The following TNPO2 variants were observed in gnomAD, a reference collection of about 807,000 sequenced individuals.
The protein encoded by TNPO2 is transportin-2.
A neutral mutation model predicts 111.1 loss-of-function variants in TNPO2; 16 were observed. The ratio of observed to expected loss-of-function variants is 0.14; its 90% CI spans 0.10 to 0.22. The LOEUF (loss-of-function observed/expected upper bound fraction) is 0.22. TNPO2 is among the 10% of genes least tolerant of loss of function. The pLI is 1.00. For missense variants in TNPO2, 530 were observed against 1,173.7 expected, an observed-to-expected ratio of 0.45 and a Z score of 8.01; for synonymous variants, 481 against 475.8, an observed-to-expected ratio of 1.01 and a Z score of -0.14.
intron 13 of TNPO2, among the ~76,000 whole-genome samples, chr19:12,708,189 G>C (rs534729368): frequency 8.5e-5 from 13 of 152,202 alleles, no homozygotes; most frequent in African/African-American, 2.6e-4. Context: ...GAGGAGTGCA[G>C]TGGTGTGATC....
Position 12,702,249 on chromosome 19 carries a change from G to A in TNPO2, c.2306-72C>T, listed in dbSNP as rs1171327079. 8.8e-6 allele frequency: 12 copies of A among 1,357,902 alleles called. No homozygotes were observed. Among genetic ancestry groups the A allele is most frequent in the South Asian group, 6.3e-5 (5 of 79,942 alleles). 84.1% of individuals were successfully genotyped at this position (1,357,902 alleles called of 1,614,324 possible). The stretch of plus-strand genomic sequence containing the variant: ...CACAAGGCACCAAGCCCCGCCCCAT[G>A]AGCCCCAAGGGAATGGCTACTGCAG... On this transcript the variant is annotated intron_variant, in intron 21 of 25. Coordinates refer to ENST00000425528, the MANE Select transcript of TNPO2 (RefSeq NM_001382241.1). The surrounding 1 kb of genome is among the most constrained non-coding windows in gnomAD (Gnocchi z 5.5).
chr19:12,711,308 C>T lies in TNPO2; in HGVS notation c.1105G>A (p.Asp369Asn), dbSNP rs1465153961. The T allele has an allele frequency of 3.1e-6, 5 of 1,613,322 alleles. No homozygotes were observed. The highest frequency in any genetic ancestry group is 4.2e-6 in the Non-Finnish European group (5 of 1,179,636). ...EDDDDDDALS[D>N]WNLRKCSAAA... Reference sequence around the variant, plus strand: ...CAGGGGCACACACTCAAATTCCAGTCGGACAGAGCATCATCATCATCGTCA... The same window carrying T: ...CAGGGGCACACACTCAAATTCCAGTTGGACAGAGCATCATCATCATCGTCA... Residue 369 changes from aspartate (D) to asparagine (N), a missense_variant, in exon 12 of 26, where the codon GAC (aspartate) becomes AAC (asparagine). Transcript: ENST00000425528.
chr19:12,701,064 T>C lies in TNPO2; in HGVS notation c.*200A>G, dbSNP rs933356409. 7 of 374,758 alleles carry C rather than the reference T, an allele frequency of 1.9e-5. No individual in the cohort carries two copies. Among genetic ancestry groups the C allele is most frequent in the African/African-American group, 4.2e-5 (2 of 48,118 alleles). 23.2% of individuals were successfully genotyped at this position (374,758 alleles called of 1,614,324 possible). A position where few individuals can be genotyped will look rare whatever the true frequency, so the allele number is the denominator to read the frequency against. Reference sequence around the variant, plus strand: ...CTCCCCGTTTGTAGGATGAGCATGGTGGCCCCACCCACCTGCCAGGAGGGC... The same window carrying C: ...CTCCCCGTTTGTAGGATGAGCATGGCGGCCCCACCCACCTGCCAGGAGGGC... On this transcript the variant is annotated 3_prime_UTR_variant, in exon 26 of 26. Transcript: ENST00000425528. This position sits in a 1 kb window ranked among gnomAD's most constrained non-coding sequence, Gnocchi z 5.0.
chr19:12,711,637 G>A (rs767101850), intron 10 of TNPO2, 24 bp from the exon 11 acceptor site: 6 of 1,608,686 alleles, frequency 3.7e-6, no homozygotes, highest in South Asian at 1.1e-5. Context: ...GACTGTTTAT[G>A]GGGATGCAGG....
chr19:12,705,250 T>G lies in TNPO2; in HGVS notation c.2012A>C (p.Gln671Pro), dbSNP rs2025575578. 1 of 1,605,016 alleles carries G rather than the reference T, an allele frequency of 6.2e-7. No homozygotes were observed. The highest frequency in any genetic ancestry group is 1.3e-5 in the African/African-American group (1 of 74,696). Residue 671 changes from glutamine (Q) to proline (P), a missense_variant, in exon 18 of 26, where the codon CAG becomes CCG. By Grantham distance (76) the Gln-to-Pro change is moderately conservative. Transcript: ENST00000425528. The surrounding 1 kb of genome is among the most constrained non-coding windows in gnomAD (Gnocchi z 7.2). ...ARSNIMTLLF[Q>P]CMQDSMPEVR... Reference sequence around the variant, plus strand: ...AGGGTCCCCACCCACCTGCATGCACTGGAACAGCAATGTCATGATGTTGCT... The same window carrying G: ...AGGGTCCCCACCCACCTGCATGCACGGGAACAGCAATGTCATGATGTTGCT...
chr19:12,706,338 C>T lies in TNPO2; in HGVS notation c.1526G>A (p.Cys509Tyr), dbSNP rs2025661424. 1.2e-6 allele frequency: 2 copies of T among 1,613,942 alleles called. No individual in the cohort carries two copies. The highest frequency in any genetic ancestry group is 1.7e-6 in the Non-Finnish European group (2 of 1,179,950). Residue 509 changes from cysteine to tyrosine, a missense_variant, in exon 15 of 26, where the codon TGC (cysteine) becomes TAC (tyrosine). Around this residue, in one of 4 missense-constraint regions of TNPO2, gnomAD observed 183 missense variants for 481.0 expected, o/e 0.38. Coordinates refer to ENST00000425528, the MANE Select transcript of TNPO2 (RefSeq NM_001382241.1). The surrounding 1 kb of genome is among the most constrained non-coding windows in gnomAD (Gnocchi z 7.0). ...SAFATLEEEA[C>Y]TELVPYLSYI... ...GCTGAGGTAGGGCACCAGCTCCGTGCAGGCCTCTTCCTCCAGGGTGGCAAA... is the reference window on the plus strand; with the variant it reads ...GCTGAGGTAGGGCACCAGCTCCGTGTAGGCCTCTTCCTCCAGGGTGGCAAA...
chr19:12,703,906 G>T, intron 18 of TNPO2, 105 bp from the exon 19 acceptor site: 1 of 1,001,650 alleles, frequency 1.0e-6, no homozygotes, highest in Non-Finnish European at 1.5e-6. Context: ...CCACTTTCCA[G>T]TTCTAGAGCT....
chr19:12,715,340 C>A lies in TNPO2; in HGVS notation c.567-16G>T. The A allele has an allele frequency of 6.2e-7, 1 of 1,613,814 alleles. No homozygotes were observed. Among genetic ancestry groups the A allele is most frequent in the Non-Finnish European group, 8.5e-7 (1 of 1,179,848 alleles). ...GGCGTGGGACCTGGCGGGGAGCAGA[C>A]ACGTGGGTCACCCTGACCCTGCCCA... On this transcript the variant is annotated splice_polypyrimidine_tract_variant and intron_variant, in intron 7 of 25. Transcript: ENST00000425528. This position sits in a 1 kb window ranked among gnomAD's most constrained non-coding sequence, Gnocchi z 7.1.
rs1299290115 is a variant in TNPO2, at chr19:12,701,446, TG to T, written c.2593del (p.His865ThrfsTer35). 1 of 1,613,602 alleles carries T rather than the reference TG, an allele frequency of 6.2e-7. No individual in the cohort carries two copies. The highest frequency in any genetic ancestry group is 1.1e-5 in the South Asian group (1 of 91,054). ...DLRDMFYKIL[H>X]GFKDQVGEDN... is the part of the protein sequence containing the mutation. ...TTCCCCAACTTGGTCTTTGAAGCCG[TG>T]GAGAATCTGTGGGGAGGGTGGTGGT... On this transcript the variant is annotated frameshift_variant, in exon 25 of 26. Transcript: ENST00000425528. LOFTEE classifies it high-confidence loss of function. The surrounding 1 kb of genome is among the most constrained non-coding windows in gnomAD (Gnocchi z 5.0).
Position 12,711,414 on chromosome 19 carries a change from G to C in TNPO2, c.999C>G (p.Ile333Met). The C allele has an allele frequency of 6.2e-7, 1 of 1,614,020 alleles. No individual in the cohort carries two copies. Among genetic ancestry groups the C allele is most frequent in the Non-Finnish European group, 8.5e-7 (1 of 1,179,898 alleles). Reference sequence around the variant, plus strand: ...TGCGTGACTTGTGGAAGCGTGGCTTGATGTCCTGCTCACTGTCGGGGACAG... The same window carrying C: ...TGCGTGACTTGTGGAAGCGTGGCTTCATGTCCTGCTCACTGTCGGGGACAG... ...DEAVPDSEQD[I>M]KPRFHKSRTV... The change falls in exon 12 of 26, where the codon ATC (isoleucine) becomes ATG (methionine). Residue 333 changes from isoleucine to methionine, a missense_variant. Physicochemically the swap from Ile to Met is conservative, Grantham distance 10. This residue lies in a region of TNPO2 where 88 missense variants were observed against 130.2 expected (regional missense o/e 0.68). Coordinates refer to ENST00000425528, the MANE Select transcript of TNPO2 (RefSeq NM_001382241.1).
At position 12,701,717 on chromosome 19, in the gene TNPO2, G is replaced by A. The variant is rs767263861; in HGVS notation, c.2511+35C>T. 30 of 1,612,424 alleles carry A rather than the reference G, an allele frequency of 1.9e-5. No individual in the cohort carries two copies. The highest frequency in any genetic ancestry group is 1.1e-4 in the East Asian group (5 of 44,888). ...AGGTGAGGGGCCGCCCGAGCCCAGC[G>A]CCCGCGCCTGCCCTCAGAGCCCAGC... On this transcript the variant is annotated intron_variant, in intron 23 of 25. Transcript: ENST00000425528. This position sits in a 1 kb window ranked among gnomAD's most constrained non-coding sequence, Gnocchi z 5.0.
Position 12,701,711 on chromosome 19 carries a change from C to G in TNPO2, c.2512-39G>C. On this transcript the variant is annotated intron_variant, in intron 23 of 25. Coordinates refer to ENST00000425528, the MANE Select transcript of TNPO2 (RefSeq NM_001382241.1). The surrounding 1 kb of genome is among the most constrained non-coding windows in gnomAD (Gnocchi z 5.0). ...GATCCCAGGTGAGGGGCCGCCCGAG[C>G]CCAGCGCCCGCGCCTGCCCTCAGAG... 1 of 1,613,224 alleles carries G rather than the reference C, an allele frequency of 6.2e-7. No individual in the cohort carries two copies. Among genetic ancestry groups the G allele is most frequent in the East Asian group, 2.2e-5 (1 of 44,886 alleles).
chr19:12,720,632 T>C (rs1599431272), intron 3 of TNPO2, among the ~76,000 whole-genome samples: 4 of 152,200 alleles, frequency 2.6e-5, no homozygotes, highest in African/African-American at 9.7e-5. Context: ...GGGCCTACTT[T>C]AATAGTTAAT....
chr19:12,723,785 C>A lies in TNPO2; in HGVS notation c.-147G>T, dbSNP rs1372326250. 6.6e-6 allele frequency: 1 copy of A among 152,230 alleles called. No homozygotes were observed. The highest frequency in any genetic ancestry group is 2.4e-5 in the African/African-American group (1 of 41,460). The allele number at this position is 152,230 out of a possible 1,614,324, so 9.4% of individuals were successfully genotyped here. On this transcript the variant is annotated 5_prime_UTR_variant, in exon 1 of 26. It removes the in-frame stop codon of an upstream open reading frame in the 5' UTR. Coordinates refer to ENST00000425528, the MANE Select transcript of TNPO2 (RefSeq NM_001382241.1). ...TCAACCCACTTGCCGTAGGCAAAGT[C>A]AGTCCCGGCTCCGTTCATTCATGAA...
chr19:12,720,675 A>G (rs2026633401), intron 3 of TNPO2, among the ~76,000 whole-genome samples: 1 of 152,130 alleles, frequency 6.6e-6, no homozygotes, highest in African/African-American at 2.4e-5. Flanking sequence ...GAACATTAGG[A>G]ATTTTCATCA....
At position 12,706,379 on chromosome 19, in the gene TNPO2, G is replaced by T; in HGVS notation, c.1497-12C>A. On this transcript the variant is annotated splice_polypyrimidine_tract_variant and intron_variant, in intron 14 of 25. Coordinates refer to ENST00000425528, the MANE Select transcript of TNPO2 (RefSeq NM_001382241.1). This position sits in a 1 kb window ranked among gnomAD's most constrained non-coding sequence, Gnocchi z 7.0. ...GGGTGGCAAAAGCACTGGTGGGAGG[G>T]AGGATGAAGCGGGGGCTCAGTGGAC... 6.2e-7 allele frequency: 1 copy of T among 1,614,032 alleles called. No homozygotes were observed. The highest frequency in any genetic ancestry group is 2.2e-5 in the East Asian group (1 of 44,874).
rs568412862 is a variant in TNPO2, at chr19:12,715,965, C to T, written c.326-226G>A. On this transcript the variant is annotated intron_variant, in intron 5 of 25. Coordinates refer to ENST00000425528, the MANE Select transcript of TNPO2 (RefSeq NM_001382241.1). This position sits in a 1 kb window ranked among gnomAD's most constrained non-coding sequence, Gnocchi z 7.1. Reference sequence around the variant, plus strand: ...GTCCACAGCAGCCTCAAACTCCTGGCCTCAAGCCATCTTCCTGCCTCAGCC... The same window carrying T: ...GTCCACAGCAGCCTCAAACTCCTGGTCTCAAGCCATCTTCCTGCCTCAGCC... Among the ~76,000 whole-genome samples, 7 of 152,206 alleles carry T rather than the reference C, an allele frequency of 4.6e-5. No homozygotes were observed. The highest frequency in any genetic ancestry group is 1.7e-4 in the African/African-American group (7 of 41,536).
chr19:12,701,707 C>G lies in TNPO2; in HGVS notation c.2512-35G>C. On this transcript the variant is annotated intron_variant, in intron 23 of 25. Coordinates refer to ENST00000425528, the MANE Select transcript of TNPO2 (RefSeq NM_001382241.1). This position sits in a 1 kb window ranked among gnomAD's most constrained non-coding sequence, Gnocchi z 5.0. The stretch of plus-strand genomic sequence containing the variant: ...GACGGATCCCAGGTGAGGGGCCGCC[C>G]GAGCCCAGCGCCCGCGCCTGCCCTC... The G allele has an allele frequency of 6.2e-7, 1 of 1,613,316 alleles. No individual in the cohort carries two copies. The highest frequency in any genetic ancestry group is 2.2e-5 in the East Asian group (1 of 44,872).
rs771756783 is a variant in TNPO2, at chr19:12,705,656, C to T, written c.1755+26G>A. On this transcript the variant is annotated intron_variant, in intron 16 of 25. Transcript: ENST00000425528. The surrounding 1 kb of genome is among the most constrained non-coding windows in gnomAD (Gnocchi z 7.2). ...CAGGCAGGGTGGGCAGGATGGGTTT[C>T]GGGTGAGGGGCAGGAGCCCACTCAC... is the stretch of plus-strand genomic sequence containing the variant. 5.1e-6 allele frequency: 8 copies of T among 1,558,524 alleles called. No individual in the cohort carries two copies. The highest frequency in any genetic ancestry group is 4.7e-5 in the East Asian group (2 of 42,384).
Sources: allele counts gnomAD v4.1 joint callset (sites outside exome capture counted in the v4.1 genomes callset), GRCh38; gene constraint gnomAD v4.1.1; regional missense constraint gnomAD v4.1.1; non-coding constraint Gnocchi (gnomAD v3.1); transcripts MANE v1.5; gene names NCBI Gene and HGNC (gene_info 2026-07-23, HGNC 2026-07-21).